MIER1: variants seen among roughly 807,000 people sequenced by gnomAD.
MIER1 encodes MIER1 transcriptional regulator.
A neutral mutation model predicts 75.7 loss-of-function variants in MIER1; 40 were observed. That is an observed-to-expected ratio of 0.53 (90% CI 0.41 to 0.69). The LOEUF (loss-of-function observed/expected upper bound fraction) is 0.69, where lower values mean the gene tolerates loss of function less well. Ranked by LOEUF, MIER1 falls within the 30% of genes least tolerant of loss-of-function variation. The pLI, the probability that MIER1 is intolerant of heterozygous loss-of-function variation, is 0.00. For synonymous variants in MIER1, 213 were observed against 223.4 expected (o/e 0.95, Z 0.42); for missense variants, 574 against 680.2 (o/e 0.84, Z 1.74).
At chr1:66,931,561 G>A (rs1235017191) in intron 2 of MIER1, among the ~76,000 whole-genome samples, 1 of 152,106 alleles carries the variant, frequency 6.6e-6, no homozygotes, top group African/African-American at 2.4e-5. Flanking sequence ...AGACAGGACT[G>A]TTTGCTGCGA....
chr1:66,985,001 T>C lies in MIER1; in HGVS notation c.*101T>C. ...AAAAGTTGATTTCCTTGAAGCAGTT[T>C]GAAAATTTGAATTGAGTCTTAACTT... is the stretch of plus-strand genomic sequence containing the variant. On this transcript the variant is annotated 3_prime_UTR_variant, in exon 14 of 14. Coordinates refer to ENST00000401041, the MANE Select transcript of MIER1 (RefSeq NM_001077700.3). 1 of 1,430,400 alleles carries C rather than the reference T, an allele frequency of 7.0e-7. No homozygotes were observed. Among genetic ancestry groups the C allele is most frequent in the Non-Finnish European group, 9.2e-7 (1 of 1,092,746 alleles). The allele number at this position is 1,430,400 out of a possible 1,614,324, so 88.6% of individuals were successfully genotyped here. A position where few individuals can be genotyped will look rare whatever the true frequency, so the allele number is the denominator to read the frequency against.
At chr1:66,965,171 C>T (rs538423130) in intron 8 of MIER1, among the ~76,000 whole-genome samples, 17 of 152,116 alleles carry the variant, frequency 1.1e-4, no homozygotes, top group African/African-American at 2.9e-4. Flanking sequence ...GTTCTGTGAA[C>T]GTATAATTGT....
intron 4 of MIER1, chr1:66,948,029 C>G: frequency 1.0e-6 from 1 of 979,478 alleles, no homozygotes; most frequent in Non-Finnish European, 1.2e-6. Flanking sequence ...AACCACTGTC[C>G]CCTATTCAAT....
At chr1:66,978,113 T>G (rs570567717) in intron 12 of MIER1, among the ~76,000 whole-genome samples, 4 of 151,782 alleles carry the variant, frequency 2.6e-5, no homozygotes, top group African/African-American at 9.7e-5. Flanking sequence ...GAAGAATTGC[T>G]TGAACCCAGG....
intron 4 of MIER1, among the ~76,000 whole-genome samples, chr1:66,951,051 G>A (rs891496669): frequency 1.3e-5 from 2 of 152,212 alleles, no homozygotes; most frequent in African/African-American, 4.8e-5. Flanking sequence ...GGGAGAAGGA[G>A]CTAGGAACTA....
intron 8 of MIER1, among the ~76,000 whole-genome samples, chr1:66,968,867 A>G (rs1325154124): frequency 6.6e-6 from 1 of 152,214 alleles, no homozygotes; most frequent in Non-Finnish European, 1.5e-5. Flanking sequence ...CTTGCCCCAT[A>G]GGCACTTAGT....
intron 4 of MIER1, among the ~76,000 whole-genome samples, chr1:66,950,483 C>CA (rs1345731594): frequency 3.9e-5 from 6 of 152,086 alleles, no homozygotes; most frequent in Admixed American, 2.6e-4. Context: ...TCTTTAAACT[C>CA]AGAGACTCTA....
At chr1:66,963,256 C>G (rs766789800) in intron 8 of MIER1, 96 bp downstream of exon 8, 1 of 751,508 alleles carries the variant, frequency 1.3e-6, no homozygotes, top group Non-Finnish European at 2.3e-6. Flanking sequence ...TGACAGCCTA[C>G]TAAGTAACCC....
chr1:66,987,778 CA>C lies in MIER1; in HGVS notation c.*2879del, dbSNP rs1666966404. 1 of 152,008 alleles carries C rather than the reference CA, an allele frequency of 6.6e-6. No individual in the cohort carries two copies. The highest frequency in any genetic ancestry group is 2.4e-5 in the African/African-American group (1 of 41,298). The allele number at this position is 152,008 out of a possible 1,614,324, so 9.4% of individuals were successfully genotyped here. On this transcript the variant is annotated 3_prime_UTR_variant, in exon 14 of 14. Transcript: ENST00000401041. Reference sequence around the variant, plus strand: ...GACAAGGCAAATATATATATATACACAGTCTGTTTCTTCTATTCCTAGACAT... The same window carrying C: ...GACAAGGCAAATATATATATATACACGTCTGTTTCTTCTATTCCTAGACAT...
intron 12 of MIER1, 46 bp from the exon 13 acceptor site, chr1:66,981,725 TAATTTTTA>T (rs1558121715): frequency 1.4e-6 from 2 of 1,436,080 alleles, no homozygotes; most frequent in Non-Finnish European, 1.9e-6. Context: ...TAACCTCAAC[TAATTTTTA>T]ATTTTCAGCT....
intron 2 of MIER1, chr1:66,930,324 C>T: frequency 1.9e-6 from 3 of 1,593,232 alleles, no homozygotes; most frequent in Non-Finnish European, 2.6e-6. Context: ...TGCTGAGTCT[C>T]ACATCCGGGT....
In MIER1 at chr1:66,951,630, G is replaced by T. The variant is rs1406420831; in HGVS notation, c.339+5335G>T. Among the ~76,000 whole-genome samples the T allele has an allele frequency of 3.3e-5, 5 of 151,948 alleles. No homozygotes were observed. The East Asian group carries it at 9.7e-4, about 29-fold the overall frequency. On this transcript the variant is annotated intron_variant, in intron 4 of 13. Transcript: ENST00000401041. Reference sequence around the variant, plus strand: ...GGGTCTCGTTCTGTCGCTCTGGCTGGAGTGCAGTGGTGCAGTCATAGCTCA... The same window carrying T: ...GGGTCTCGTTCTGTCGCTCTGGCTGTAGTGCAGTGGTGCAGTCATAGCTCA...
chr1:66,926,398 A>G (rs1053541925), intron 2 of MIER1, among the ~76,000 whole-genome samples, 156 bp downstream of exon 2: 1 of 152,362 alleles, frequency 6.6e-6, no homozygotes, highest in Non-Finnish European at 1.5e-5. Context: ...CATGTCATCA[A>G]TGTAAAAACC....
In MIER1 at chr1:66,985,813, AATTT is replaced by A. The variant is rs1208807526; in HGVS notation, c.*914_*917del. On this transcript the variant is annotated 3_prime_UTR_variant, in exon 14 of 14. Transcript: ENST00000401041. ...TTAAAGCATTCATAAAGGATTATAA[AATTT>A]TTTTTTTTTTTTTTTTTTTTAAATT... 64 of 738,672 alleles carry A rather than the reference AATTT, an allele frequency of 8.7e-5. No individual in the cohort carries two copies. The South Asian group carries it at 1.3e-3, about 15-fold the overall frequency. The allele number at this position is 738,672 out of a possible 1,614,324, so 45.8% of individuals were successfully genotyped here.
chr1:66,978,952 C>G (rs771422689), intron 12 of MIER1, among the ~76,000 whole-genome samples: 5 of 152,132 alleles, frequency 3.3e-5, no homozygotes, highest in Admixed American at 6.5e-5. Context: ...GTTAAATATT[C>G]TTTAGGTAGA....
Position 66,988,246 on chromosome 1 carries a change from C to T in MIER1, c.*3346C>T, listed in dbSNP as rs1043900360. 2 of 152,292 alleles carry T rather than the reference C, an allele frequency of 1.3e-5. No homozygotes were observed. The highest frequency in any genetic ancestry group is 2.4e-5 in the African/African-American group (1 of 41,432). 9.4% of individuals were successfully genotyped at this position (152,292 alleles called of 1,614,324 possible). On this transcript the variant is annotated 3_prime_UTR_variant, in exon 14 of 14. Transcript: ENST00000401041. ...AGTTTCCAAATTTTAACCTTTTATT[C>T]TAAAAATGACTCTCTTCTCTCAAAA...
At position 66,945,300 on chromosome 1, in the gene MIER1, TATATATATATATATATAA is replaced by T. The variant is rs1439796085; in HGVS notation, c.194-848_194-831del. On this transcript the variant is annotated intron_variant, in intron 3 of 13. Coordinates refer to ENST00000401041, the MANE Select transcript of MIER1 (RefSeq NM_001077700.3). Reference sequence around the variant, plus strand: ...ATATATATATATATATATATATATATATATATATATATATATAAAATACCTAATATAGGTAAATGCTAT... The same window carrying T: ...ATATATATATATATATATATATATATAATACCTAATATAGGTAAATGCTAT... Among the ~76,000 whole-genome samples the T allele has an allele frequency of 1.4e-3, 175 of 125,064 alleles. 1 individual carries two copies. Among genetic ancestry groups the T allele is most frequent in the Middle Eastern group, 8.2e-3 (2 of 244 alleles). The allele number at this position is 125,064 out of a possible 152,430, so 82.0% of individuals were successfully genotyped here.
Position 66,963,767 on chromosome 1 carries a change from G to A in MIER1, c.772+607G>A, listed in dbSNP as rs1661737080. ...TACTAAAAATACAAAAATTAGCCTG[G>A]CGTCGTGGCGCGCACCTGTAATCCC... On this transcript the variant is annotated intron_variant, in intron 8 of 13. Coordinates refer to ENST00000401041, the MANE Select transcript of MIER1 (RefSeq NM_001077700.3). Among the ~76,000 whole-genome samples, 7 of 152,108 alleles carry A rather than the reference G, an allele frequency of 4.6e-5. 1 individual carries two copies. The South Asian group carries it at 1.5e-3, about 32-fold the overall frequency.
At chr1:66,930,535 C>A in intron 2 of MIER1, 1 of 931,130 alleles carries the variant, frequency 1.1e-6, no homozygotes. Context: ...CCGGAACAGG[C>A]CATTCTCTGG....
Sources: gnomAD v4.1 joint callset for allele counts (sites outside exome capture counted in the v4.1 genomes callset) on GRCh38, gnomAD v4.1.1 for gene constraint, MANE v1.5 for transcripts, NCBI Gene and HGNC (gene_info 2026-07-23, HGNC 2026-07-21) for gene names.